PHF24: variants seen among roughly 807,000 people sequenced by gnomAD.
PHF24 encodes the protein PHD finger protein 24, also known as Galpha inhibitory interacting protein.
Under a neutral mutation model 42.6 loss-of-function variants are expected in PHF24, and 25 were observed. That is an observed-to-expected ratio of 0.59 (90% CI 0.43 to 0.82). The LOEUF (loss-of-function observed/expected upper bound fraction) is 0.82, where lower values mean the gene tolerates loss of function less well. Among genes scored for constraint, PHF24 ranks in the 40% least tolerant of loss-of-function variants. The pLI, the probability that PHF24 is intolerant of heterozygous loss-of-function variation, is 0.00. For synonymous variants in PHF24, 185 were observed against 204.8 expected (o/e 0.90, Z 0.83); for missense variants, 470 against 538.1 (o/e 0.87, Z 1.25).
chr9:34,939,172 C>T, the PHF24 span, among the ~76,000 whole-genome samples: 2 of 151,290 alleles, frequency 1.3e-5, no homozygotes, highest in Non-Finnish European at 2.9e-5. Context: ...CCCAGCTACT[C>T]GGGAGGCTGA....
At chr9:34,723,563 G>T in the PHF24 span, 2 of 1,551,768 alleles carry the variant, frequency 1.3e-6, no homozygotes, top group Non-Finnish European at 1.7e-6. Flanking sequence ...TTTGCCTTTT[G>T]TCTTGGGGTT....
At chr9:34,969,747 A>G (rs965334042) in intron 1 of PHF24, among the ~76,000 whole-genome samples, 5 of 152,196 alleles carry the variant, frequency 3.3e-5, no homozygotes, top group African/African-American at 1.2e-4. Context: ...TTCCATGGTA[A>G]CAGATACACT....
the PHF24 span, among the ~76,000 whole-genome samples, chr9:34,872,195 T>A: frequency 1.0e-5 from 1 of 99,282 alleles, no homozygotes; most frequent in South Asian, 4.1e-4. Context: ...TTTTTATTAT[T>A]TTTTTATTTT....
the PHF24 span, among the ~76,000 whole-genome samples, chr9:34,760,484 G>A: frequency 6.6e-6 from 1 of 152,242 alleles, no homozygotes; most frequent in Non-Finnish European, 1.5e-5. Context: ...CACTTTTACA[G>A]GTGAGCACCT....
chr9:34,759,334 A>G, the PHF24 span, among the ~76,000 whole-genome samples: 2 of 152,130 alleles, frequency 1.3e-5, no homozygotes, highest in Non-Finnish European at 2.9e-5. Context: ...TGAGGCACCA[A>G]CACCTCATCA....
At position 34,977,988 on chromosome 9, in the gene PHF24, C is replaced by T. The variant is rs768223346; in HGVS notation, c.1107-27C>T. On this transcript the variant is annotated intron_variant, in intron 7 of 7. Coordinates refer to ENST00000242315, the Ensembl canonical transcript of PHF24. ...CTCACGTGTCTTCAAACCAGCCTCACGACTCTGTTCTTTGCTTCCACTCCA... is the reference window on the plus strand; with the variant it reads ...CTCACGTGTCTTCAAACCAGCCTCATGACTCTGTTCTTTGCTTCCACTCCA... 1.5e-5 allele frequency: 24 copies of T among 1,571,974 alleles called. No homozygotes were observed. In the South Asian group the frequency reaches 2.0e-4, roughly 13 times the overall value.
At chr9:34,839,486 C>A in the PHF24 span, among the ~76,000 whole-genome samples, 1 of 152,186 alleles carries the variant, frequency 6.6e-6, no homozygotes, top group Admixed American at 6.5e-5. Flanking sequence ...ATGTTACCTG[C>A]TTAACCTCCA....
At chr9:34,791,488 G>A in the PHF24 span, among the ~76,000 whole-genome samples, 2 of 152,198 alleles carry the variant, frequency 1.3e-5, no homozygotes, top group East Asian at 3.9e-4. Flanking sequence ...CAAAGCAGAG[G>A]CTGGGTCTGA....
At chr9:34,855,298 G>T in the PHF24 span, among the ~76,000 whole-genome samples, 1 of 152,152 alleles carries the variant, frequency 6.6e-6, no homozygotes, top group African/African-American at 2.4e-5. Context: ...TGTTATGTGT[G>T]AATTTGATCC....
At chr9:34,848,195 C>G in the PHF24 span, among the ~76,000 whole-genome samples, 1 of 151,290 alleles carries the variant, frequency 6.6e-6, no homozygotes, top group East Asian at 1.9e-4. Context: ...CTCCTTGTAC[C>G]TCTGGTAGAA....
intron 2 of PHF24, 38 bp downstream of exon 2, chr9:34,971,714 T>C: frequency 1.3e-6 from 2 of 1,562,070 alleles, no homozygotes; most frequent in Non-Finnish European, 1.7e-6. Context: ...CAAGTCTTAG[T>C]GCATCAGGGA....
chr9:34,879,219 C>CAAAG, the PHF24 span, among the ~76,000 whole-genome samples: 169 of 152,260 alleles, frequency 1.1e-3, 1 homozygote, highest in Non-Finnish European at 5.4e-4. Context: ...TCACCATCAT[C>CAAAG]AAAGACCAAA....
chr9:34,786,546 G>A, the PHF24 span, among the ~76,000 whole-genome samples: 3 of 152,094 alleles, frequency 2.0e-5, no homozygotes, highest in East Asian at 5.8e-4. Context: ...TACTAAATTG[G>A]TCTATAACAT....
At chr9:34,869,669 C>G in the PHF24 span, among the ~76,000 whole-genome samples, 244 of 152,242 alleles carry the variant, frequency 1.6e-3, no homozygotes, top group African/African-American at 5.0e-3. Context: ...TACACACTGC[C>G]TGCATATATC....
chr9:34,769,369 C>CAT, the PHF24 span, among the ~76,000 whole-genome samples: 1 of 152,188 alleles, frequency 6.6e-6, no homozygotes, highest in Admixed American at 6.5e-5. Context: ...GATCCGCCTG[C>CAT]CTCGGCCTCC....
At chr9:34,832,926 G>C in the PHF24 span, 1 of 1,551,728 alleles carries the variant, frequency 6.4e-7, no homozygotes, top group Non-Finnish European at 8.7e-7. Context: ...GGGACTCGTG[G>C]AGGTAGCTGT....
At chr9:34,981,650 A>G (rs1358568452) in exon 8 of PHF24, 2 of 152,180 alleles carry the variant, frequency 1.3e-5, no homozygotes, top group African/African-American at 2.4e-5. Context: ...AAAAGGCAGA[A>G]CAGTTTTGAT....
the PHF24 span, among the ~76,000 whole-genome samples, chr9:34,876,134 G>A: frequency 6.6e-6 from 1 of 151,952 alleles, no homozygotes; most frequent in African/African-American, 2.4e-5. Context: ...ATATGACCTA[G>A]CAATTAAAGC....
the PHF24 span, among the ~76,000 whole-genome samples, chr9:34,924,828 G>A: frequency 6.6e-6 from 1 of 152,088 alleles, no homozygotes; most frequent in African/African-American, 2.4e-5. Flanking sequence ...TTTTCTGGTT[G>A]TTTTGTATAT....
Sources: allele counts gnomAD v4.1 joint callset (sites outside exome capture counted in the v4.1 genomes callset), GRCh38; gene constraint gnomAD v4.1.1; transcripts MANE v1.5; gene names NCBI Gene and HGNC (gene_info 2026-07-23, HGNC 2026-07-21).